The following ANK1 variants were observed in gnomAD, a reference collection of about 807,000 sequenced individuals.
The protein encoded by ANK1 is ankyrin-1.
A neutral mutation model predicts 210.4 loss-of-function variants in ANK1; 51 were observed. That is an observed-to-expected ratio of 0.24 (90% confidence interval 0.19 to 0.31). The LOEUF is 0.31. ANK1 is among the 10% of genes least tolerant of loss of function. The pLI is 1.00. For synonymous variants in ANK1, 967 were observed against 1,025.9 expected (o/e 0.94, Z 1.10); for missense variants, 2,051 against 2,504.4 (o/e 0.82, Z 3.86).
intron 1 of ANK1, among the ~76,000 whole-genome samples, chr8:41,822,222 C>A (rs1804591241): frequency 6.6e-6 from 1 of 152,088 alleles, no homozygotes; most frequent in African/African-American, 2.4e-5. Flanking sequence ...AGACAGACAT[C>A]TACCTGTCTC....
At chr8:41,767,679 G>A (rs535471348) in intron 1 of ANK1, among the ~76,000 whole-genome samples, 2 of 152,168 alleles carry the variant, frequency 1.3e-5, no homozygotes, top group South Asian at 4.2e-4. Context: ...GGGCGCGGGC[G>A]GGGGTGCAGC....
At chr8:41,701,167 A>G (rs1164208778) in intron 22 of ANK1, among the ~76,000 whole-genome samples, 1 of 152,238 alleles carries the variant, frequency 6.6e-6, no homozygotes, top group Non-Finnish European at 1.5e-5. Flanking sequence ...CAGATTTTGA[A>G]TAATCCACTT....
At chr8:41,843,009 A>C (rs920700355) in intron 1 of ANK1, among the ~76,000 whole-genome samples, 1 of 152,038 alleles carries the variant, frequency 6.6e-6, no homozygotes, top group Non-Finnish European at 1.5e-5. Context: ...AACCACACCC[A>C]GCTAATTTTT....
intron 3 of ANK1, among the ~76,000 whole-genome samples, chr8:41,728,892 C>T (rs1440228373): frequency 7.9e-5 from 12 of 152,208 alleles, no homozygotes; most frequent in African/African-American, 1.2e-4. Flanking sequence ...TGGCCTTCCG[C>T]GGACCTGCAG....
At position 41,694,690 on chromosome 8, in the gene ANK1, C is replaced by T. The variant is rs200263785; in HGVS notation, c.3229G>A (p.Gly1077Ser). 3.7e-6 allele frequency: 6 copies of T among 1,614,002 alleles called. No individual in the cohort carries two copies. Among genetic ancestry groups the T allele is most frequent in the Admixed American group, 1.7e-5 (1 of 60,000 alleles). Residue 1077 changes from glycine to serine, a missense_variant, in exon 28 of 43, where the codon GGT becomes AGT. Around this residue, in one of 6 missense-constraint regions of ANK1, gnomAD observed 1,413 missense variants for 1,707.4 expected, o/e 0.83. Coordinates refer to ENST00000289734, the MANE Select transcript of ANK1 (RefSeq NM_000037.4). The surrounding 1 kb of genome is among the most constrained non-coding windows in gnomAD (Gnocchi z 5.7). ...CTCTTCAGGGAGCCCCCTTCGGGAC[C>T]GATGGTGTCGTAGTCCTGGCAGAGC... ...SRLCQDYDTI[G>S]PEGGSLKSKL...
chr8:41,736,284 C>T (rs7820101), intron 2 of ANK1, among the ~76,000 whole-genome samples: 29,578 of 152,204 alleles, frequency 0.19, 3,648 homozygotes, highest in South Asian at 0.27. Context: ...GTGACCAGTG[C>T]GCTGAGAGCC....
chr8:41,856,840 A>C (rs1812250356), intron 1 of ANK1, among the ~76,000 whole-genome samples: 1 of 149,952 alleles, frequency 6.7e-6, no homozygotes, highest in Non-Finnish European at 1.5e-5. Context: ...CTTATCAACC[A>C]CAACGGTCTT....
exon 1 of ANK1, chr8:41,896,372 G>T (rs531809537): frequency 6.3e-7 from 1 of 1,598,232 alleles, no homozygotes; most frequent in Admixed American, 1.7e-5. Context: ...TTTCGGTCAC[G>T]GGAGCGGTTT....
intron 1 of ANK1, among the ~76,000 whole-genome samples, chr8:41,853,866 T>A (rs978161417): frequency 6.6e-6 from 1 of 152,154 alleles, no homozygotes; most frequent in Admixed American, 6.6e-5. Context: ...GCACCAGCGA[T>A]CCTCCCACCT....
At chr8:41,798,770 G>T (rs898889893), upstream of ANK1, among the ~76,000 whole-genome samples, 1 of 152,090 alleles carries the variant, frequency 6.6e-6, no homozygotes, top group African/African-American at 2.4e-5. Flanking sequence ...GGGTGTCACC[G>T]CTGGGGGCCT....
At chr8:41,749,914 A>T (rs540621721) in intron 2 of ANK1, among the ~76,000 whole-genome samples, 1 of 152,238 alleles carries the variant, frequency 6.6e-6, no homozygotes, top group African/African-American at 2.4e-5. Flanking sequence ...GCCCAGCCTC[A>T]TCTTGGACTT....
rs754499344 is a variant in ANK1 at position 41,725,825 on chromosome 8, T to C, written c.548A>G (p.Asn183Ser). Residue 183 changes from asparagine to serine, a missense_variant, in exon 6 of 43, where the codon AAC becomes AGC. This residue lies in a region of ANK1 where 1,413 missense variants were observed against 1,707.4 expected (regional missense o/e 0.83). Coordinates refer to ENST00000289734, the MANE Select transcript of ANK1 (RefSeq NM_000037.4). ...RLPALHIAAR[N>S]DDTRTAAVLL... is the part of the protein sequence containing the mutation. ...CACCGCAGCCGTGCGCGTGTCGTCG[T>C]TGCGGGCCGCGATGTGCAGGGCCGG... 15 of 1,612,068 alleles carry C rather than the reference T, an allele frequency of 9.3e-6. No individual in the cohort carries two copies. The Admixed American group carries it at 1.5e-4, about 16-fold the overall frequency.
At chr8:41,822,066 G>C in intron 1 of ANK1, among the ~76,000 whole-genome samples, 1 of 6,722 alleles carries the variant, frequency 1.5e-4, no homozygotes, top group African/African-American at 6.3e-4. Context: ...AAGAAAGAAA[G>C]AGAGAGAGAG....
At chr8:41,834,003 G>A (rs371495695) in intron 1 of ANK1, among the ~76,000 whole-genome samples, 4 of 152,184 alleles carry the variant, frequency 2.6e-5, no homozygotes, top group East Asian at 1.9e-4. Flanking sequence ...GTGAGAAACC[G>A]CTGGAGTACA....
Position 41,698,088 on chromosome 8 carries a change from A to G in ANK1, c.2592T>C (p.Cys864=). 6.2e-7 allele frequency: 1 copy of G among 1,614,098 alleles called. No homozygotes were observed. Among genetic ancestry groups the G allele is most frequent in the Non-Finnish European group, 8.5e-7 (1 of 1,180,032 alleles). The change falls in exon 24 of 43, where the codon TGT becomes TGC. Residue 864 remains cysteine (C), a synonymous_variant. Transcript: ENST00000289734. ...TGATCACCACTGTCTCAGGCATGGC[A>G]CAGGGAATCCTGGGGATGGCTGGAG... is the stretch of plus-strand genomic sequence containing the variant. ...VESPAIPRIP[C]AMPETVVIRS... is the part of the protein sequence containing the mutation.
chr8:41,712,982 G>C (rs1038784284), intron 16 of ANK1, among the ~76,000 whole-genome samples: 1 of 152,188 alleles, frequency 6.6e-6, no homozygotes, highest in African/African-American at 2.4e-5. Context: ...GACAGGAGGA[G>C]ACAGCTGTCG....
chr8:41,816,140 A>C (rs1029437092), intron 1 of ANK1, among the ~76,000 whole-genome samples: 8 of 152,250 alleles, frequency 5.3e-5, no homozygotes, highest in Admixed American at 5.2e-4. Context: ...AAATTAAATA[A>C]GACATTAGAT....
intron 1 of ANK1, among the ~76,000 whole-genome samples, chr8:41,883,299 G>A (rs1817915858): frequency 6.6e-6 from 1 of 152,198 alleles, no homozygotes; most frequent in Non-Finnish European, 1.5e-5. Flanking sequence ...CATATGCCTT[G>A]CAGTCTGGTG....
chr8:41,831,650 A>G lies in ANK1; in HGVS notation c.126+64705T>C, dbSNP rs542430169. On this transcript the variant is annotated intron_variant, in intron 1 of 42. Coordinates refer to the ANK1 transcript ENST00000265709. ...GAGCAAAAGTCTGTCAAAAAAAAAA[A>G]AAAAAGAAGAAGAAAAAGAAAAAAG... Among the ~76,000 whole-genome samples the G allele has an allele frequency of 1.6e-5, 2 of 128,534 alleles. 1 individual carries two copies. Among genetic ancestry groups the G allele is most frequent in the African/African-American group, 6.2e-5 (2 of 32,250 alleles). 84.3% of individuals were successfully genotyped at this position (128,534 alleles called of 152,430 possible).
Sources: gnomAD v4.1 joint callset for allele counts (sites outside exome capture counted in the v4.1 genomes callset) on GRCh38, gnomAD v4.1.1 for gene constraint, gnomAD v4.1.1 regional missense constraint, Gnocchi (gnomAD v3.1) non-coding constraint, MANE v1.5 for transcripts, NCBI Gene and HGNC (gene_info 2026-07-23, HGNC 2026-07-21) for gene names.